The following CACNA1C variants were observed in gnomAD, a reference collection of about 807,000 sequenced individuals.
CACNA1C encodes the protein calcium voltage-gated channel subunit alpha1 C.
CACNA1C carries 30 observed loss-of-function variants against 229.0 expected under a neutral mutation model. The observed-to-expected ratio is 0.13, with a 90% CI of 0.10 to 0.18. The LOEUF is 0.18. Ranked by LOEUF, CACNA1C falls within the 10% of genes least tolerant of loss-of-function variation. The pLI, the probability that CACNA1C is intolerant of heterozygous loss-of-function variation, is 1.00. For synonymous variants in CACNA1C, 1,114 were observed against 1,132.5 expected (o/e 0.98, Z 0.33); for missense variants, 1,658 against 2,845.0 (o/e 0.58, Z 9.49).
intron 9 of CACNA1C, among the ~76,000 whole-genome samples, chr12:2,526,267 G>T (rs764098404): frequency 6.6e-6 from 1 of 152,144 alleles, no homozygotes; most frequent in Non-Finnish European, 1.5e-5. Context: ...TGCATCCCCC[G>T]AACCACACCC....
Position 2,367,223 on chromosome 12 carries a change from C to T in CACNA1C, c.478-81753C>T, listed in dbSNP as rs903576498. 5.9e-5 allele frequency among the ~76,000 whole-genome samples: 9 copies of T among 152,168 alleles called. No homozygotes were observed. The East Asian group carries it at 7.7e-4, about 13-fold the overall frequency. ...GCATGCAACCTAGATCTCTCACATG[C>T]GCAGTTCACAATAGTGCTCGAGCTC... is the stretch of plus-strand genomic sequence containing the variant. On this transcript the variant is annotated intron_variant, in intron 3 of 46. Transcript: ENST00000399655.
chr12:2,310,656 C>T (rs1215836182), intron 3 of CACNA1C, among the ~76,000 whole-genome samples: 2 of 151,970 alleles, frequency 1.3e-5, no homozygotes, highest in Non-Finnish European at 2.9e-5. Context: ...TTTAGTTGTT[C>T]CTAAAGGCAG....
chr12:2,659,653 G>T (rs967103728), intron 34 of CACNA1C, among the ~76,000 whole-genome samples: 1 of 152,012 alleles, frequency 6.6e-6, no homozygotes, highest in Non-Finnish European at 1.5e-5. Flanking sequence ...CTAATAGATG[G>T]GGAAAAGAAT....
At chr12:2,539,947 C>T (rs889923153) in intron 9 of CACNA1C, among the ~76,000 whole-genome samples, 1 of 151,814 alleles carries the variant, frequency 6.6e-6, no homozygotes, top group Admixed American at 6.6e-5. Flanking sequence ...GGATCTGTTA[C>T]CGGTAAAGGC....
At chr12:2,060,055 G>C (rs1227829813) in intron 1 of CACNA1C, among the ~76,000 whole-genome samples, 2 of 152,230 alleles carry the variant, frequency 1.3e-5, no homozygotes, top group African/African-American at 4.8e-5. Context: ...AGGCTACAGA[G>C]TAGAAGTTCA....
intron 3 of CACNA1C, among the ~76,000 whole-genome samples, chr12:2,295,465 C>T (rs1434948017): frequency 1.3e-5 from 2 of 152,124 alleles, no homozygotes; most frequent in East Asian, 3.9e-4. Context: ...GCCTGGATAC[C>T]CCAATTTCTC....
Position 2,693,351 on chromosome 12 carries a change from C to T in CACNA1C, c.*2152C>T, listed in dbSNP as rs997994882. ...TGGCTTTCCCTTCCCTTCCACCACA[C>T]GGAATTTTCTCTTTGGCTTCCTTAG... On this transcript the variant is annotated 3_prime_UTR_variant, in exon 47 of 47. Transcript: ENST00000399655. 15 of 152,192 alleles carry T rather than the reference C, an allele frequency of 9.9e-5. 1 individual carries two copies. Among genetic ancestry groups the T allele is most frequent in the Non-Finnish European group, 1.3e-4 (9 of 68,050 alleles). The allele number at this position is 152,192 out of a possible 1,614,324, so 9.4% of individuals were successfully genotyped here.
In CACNA1C at chr12:2,053,319, A is replaced by G. The variant is rs2052868698; in HGVS notation, c.-244A>G. ...TCTTGGAAGGGGCCCGGATGTACTG[A>G]GGATGCGTTACAGTTTCACTCGAGG... On this transcript the variant is annotated 5_prime_UTR_variant, in exon 1 of 47. It removes the in-frame stop codon of an upstream open reading frame in the 5' UTR. Transcript: ENST00000399655. This position sits in a 1 kb window ranked among gnomAD's most constrained non-coding sequence, Gnocchi z 5.8. 3.2e-6 allele frequency: 4 copies of G among 1,257,282 alleles called. No individual in the cohort carries two copies. Among genetic ancestry groups the G allele is most frequent in the Non-Finnish European group, 4.0e-6 (4 of 997,732 alleles). The allele number at this position is 1,257,282 out of a possible 1,614,324, so 77.9% of individuals were successfully genotyped here.
rs756766393 is a variant in CACNA1C at position 2,504,612 on chromosome 12, C to T, written c.1114-230C>T. 28 of 936,906 alleles carry T rather than the reference C, an allele frequency of 3.0e-5. No individual in the cohort carries two copies. The highest frequency in any genetic ancestry group is 4.8e-5 in the Non-Finnish European group (27 of 567,652). 58.0% of individuals were successfully genotyped at this position (936,906 alleles called of 1,614,324 possible). On this transcript the variant is annotated intron_variant, in intron 7 of 46. Transcript: ENST00000399655. This position sits in a 1 kb window ranked among gnomAD's most constrained non-coding sequence, Gnocchi z 6.8. ...TCTCAGGTTCCACTCCGTACATGCC[C>T]GGGGTCCTCAGGGATGGGACCCTGA...
intron 3 of CACNA1C, among the ~76,000 whole-genome samples, chr12:2,313,877 G>A (rs1035506141): frequency 1.1e-4 from 16 of 152,234 alleles, no homozygotes; most frequent in African/African-American, 3.1e-4. Context: ...ATGATCTATC[G>A]CCTCCCTGTC....
intron 3 of CACNA1C, among the ~76,000 whole-genome samples, chr12:2,305,654 G>C (rs943933781): frequency 6.6e-6 from 1 of 152,136 alleles, no homozygotes; most frequent in Non-Finnish European, 1.5e-5. Flanking sequence ...GACCAGCCTA[G>C]GCAACATAGT....
intron 3 of CACNA1C, among the ~76,000 whole-genome samples, chr12:2,205,949 G>A (rs2097746775): frequency 6.6e-6 from 1 of 152,190 alleles, no homozygotes; most frequent in Non-Finnish European, 1.5e-5. Flanking sequence ...TGAGTGCTCT[G>A]CCCCATGACC....
At chr12:2,387,173 G>A (rs1473380408) in intron 3 of CACNA1C, among the ~76,000 whole-genome samples, 7 of 152,202 alleles carry the variant, frequency 4.6e-5, no homozygotes, top group Admixed American at 4.6e-4. Context: ...CAGTTAGGAG[G>A]TGACTCAGAT....
chr12:2,392,162 AT>A (rs1187527257), intron 3 of CACNA1C, among the ~76,000 whole-genome samples: 1 of 152,130 alleles, frequency 6.6e-6, no homozygotes, highest in Non-Finnish European at 1.5e-5. Flanking sequence ...TCAAGTCAGC[AT>A]TTTTTCCAGG....
intron 15 of CACNA1C, among the ~76,000 whole-genome samples, chr12:2,583,985 G>A (rs1389472156): frequency 6.6e-6 from 1 of 152,178 alleles, no homozygotes; most frequent in African/African-American, 2.4e-5. Flanking sequence ...AGGAGAAAGG[G>A]CAAAGAACTG....
At chr12:2,405,374 T>C (rs2098724970) in intron 3 of CACNA1C, among the ~76,000 whole-genome samples, 1 of 152,220 alleles carries the variant, frequency 6.6e-6, no homozygotes, top group Non-Finnish European at 1.5e-5. Context: ...GTTCCTTCGC[T>C]ATGGAGATCT....
At chr12:2,292,492 T>C (rs1398701866) in intron 3 of CACNA1C, among the ~76,000 whole-genome samples, 2 of 152,226 alleles carry the variant, frequency 1.3e-5, no homozygotes, top group Non-Finnish European at 2.9e-5. Flanking sequence ...TCAGGAGCAC[T>C]GTTTCAGGAA....
At chr12:2,182,275 G>A (rs538603375) in intron 3 of CACNA1C, among the ~76,000 whole-genome samples, 6 of 152,198 alleles carry the variant, frequency 3.9e-5, no homozygotes, top group South Asian at 2.1e-4. Flanking sequence ...CAGGCTCCCC[G>A]TTGTGTGAGT....
intron 3 of CACNA1C, among the ~76,000 whole-genome samples, chr12:2,383,111 C>A (rs2098290432): frequency 6.6e-6 from 1 of 152,182 alleles, no homozygotes; most frequent in South Asian, 2.1e-4. Flanking sequence ...GGTTTATCAG[C>A]CTTCTCTTCC....
Sources: gnomAD v4.1 joint callset for allele counts (sites outside exome capture counted in the v4.1 genomes callset) on GRCh38, gnomAD v4.1.1 for gene constraint, Gnocchi (gnomAD v3.1) non-coding constraint, MANE v1.5 for transcripts, NCBI Gene and HGNC (gene_info 2026-07-23, HGNC 2026-07-21) for gene names.